Variants in RARA observed in about 807,000 individuals in gnomAD.
The protein encoded by RARA is PML-DDX5-RARA fusion.
In RARA, 5 loss-of-function variants were observed where a neutral mutation model predicts 42.8. That is an observed-to-expected ratio of 0.12 (90% CI 0.06 to 0.25). The LOEUF (loss-of-function observed/expected upper bound fraction) is 0.25. Ranked by LOEUF, RARA falls within the 10% of genes least tolerant of loss-of-function variation. The pLI is 1.00. For missense variants in RARA, 402 were observed against 628.7 expected (o/e 0.64, Z 3.86); for synonymous variants, 256 against 259.5 (o/e 0.99, Z 0.13).
chr17:40,343,038 C>A, intron 2 of RARA: 1 of 1,330,100 alleles, frequency 7.5e-7, no homozygotes, highest in Non-Finnish European at 9.8e-7. Flanking sequence ...CGCACCCTCC[C>A]CCCAGTAACC....
chr17:40,352,271 G>A lies in RARA; in HGVS notation c.631-60G>A. The A allele has an allele frequency of 3.2e-6, 5 of 1,544,944 alleles. No homozygotes were observed. The highest frequency in any genetic ancestry group is 4.4e-6 in the Non-Finnish European group (5 of 1,143,870). The stretch of plus-strand genomic sequence containing the variant: ...GTAGAGGGCAGGCCTGTGGGGGCTG[G>A]AGCCAGGCTGAGAAGGGGTGCCATG... On this transcript the variant is annotated intron_variant, in intron 5 of 8. Coordinates refer to ENST00000254066, the MANE Select transcript of RARA (RefSeq NM_000964.4). The surrounding 1 kb of genome is among the most constrained non-coding windows in gnomAD (Gnocchi z 4.9).
rs1238837845 is a variant in RARA at position 40,352,525 on chromosome 17, G to A, written c.807+18G>A. On this transcript the variant is annotated intron_variant, in intron 6 of 8. Coordinates refer to ENST00000254066, the MANE Select transcript of RARA (RefSeq NM_000964.4). This position sits in a 1 kb window ranked among gnomAD's most constrained non-coding sequence, Gnocchi z 4.9. ...ACATCCTGGTGAGGGTCTGCACCCT[G>A]GCCCCCAGGCACTGCCCCTGTGTCC... 9 of 1,569,634 alleles carry A rather than the reference G, an allele frequency of 5.7e-6. No homozygotes were observed. The South Asian group carries it at 9.3e-5, about 16-fold the overall frequency.
intron 4 of RARA, chr17:40,350,198 A>ATG (rs137901695): frequency 7.2e-4 from 330 of 457,896 alleles, no homozygotes; most frequent in South Asian, 1.2e-3. Flanking sequence ...GTGCTTGCGT[A>ATG]TGTGTGTGTG....
chr17:40,342,043 T>C (rs1011276666), intron 2 of RARA: 6 of 1,057,082 alleles, frequency 5.7e-6, no homozygotes, highest in Non-Finnish European at 5.7e-6. Flanking sequence ...TTTCTCCCGC[T>C]GCAGCCGGAC....
intron 2 of RARA, among the ~76,000 whole-genome samples, chr17:40,338,483 A>G (rs1343866298): frequency 6.6e-6 from 1 of 152,186 alleles, no homozygotes; most frequent in Non-Finnish European, 1.5e-5. Context: ...CTTAAAGGAC[A>G]GTTCTTCCTG....
Position 40,352,569 on chromosome 17 carries a change from G to T in RARA, c.807+62G>T. 1 of 1,385,358 alleles carries T rather than the reference G, an allele frequency of 7.2e-7. No individual in the cohort carries two copies. Among genetic ancestry groups the T allele is most frequent in the Non-Finnish European group, 9.7e-7 (1 of 1,032,628 alleles). The allele number at this position is 1,385,358 out of a possible 1,614,324, so 85.8% of individuals were successfully genotyped here. A position where few individuals can be genotyped will look rare whatever the true frequency, so the allele number is the denominator to read the frequency against. On this transcript the variant is annotated intron_variant, in intron 6 of 8. Coordinates refer to ENST00000254066, the MANE Select transcript of RARA (RefSeq NM_000964.4). This position sits in a 1 kb window ranked among gnomAD's most constrained non-coding sequence, Gnocchi z 4.9. ...TGTGTCCTGGGTAGATGTCCTTCCA[G>T]CCAGACAGCCACCCTCCTAAATGTC...
chr17:40,330,158 T>A (rs997991808), intron 1 of RARA, among the ~76,000 whole-genome samples: 1 of 152,218 alleles, frequency 6.6e-6, no homozygotes, highest in Non-Finnish European at 1.5e-5. Context: ...AGTATGTGGG[T>A]GAACCTTGAG....
Position 40,354,619 on chromosome 17 carries a change from T to C in RARA, c.1012+113T>C, listed in dbSNP as rs1466174901. 1 of 1,298,820 alleles carries C rather than the reference T, an allele frequency of 7.7e-7. No individual in the cohort carries two copies. Among genetic ancestry groups the C allele is most frequent in the African/African-American group, 1.5e-5 (1 of 67,776 alleles). 80.5% of individuals were successfully genotyped at this position (1,298,820 alleles called of 1,614,324 possible). A position where few individuals can be genotyped will look rare whatever the true frequency, so the allele number is the denominator to read the frequency against. ...TGTTAGGTATCTCTAGAGGGCAGGG[T>C]CTGGTCTGCAACTACACAGCAAGGG... is the stretch of plus-strand genomic sequence containing the variant. On this transcript the variant is annotated intron_variant, in intron 7 of 8. Coordinates refer to ENST00000254066, the MANE Select transcript of RARA (RefSeq NM_000964.4). This position sits in a 1 kb window ranked among gnomAD's most constrained non-coding sequence, Gnocchi z 4.5.
intron 2 of RARA, among the ~76,000 whole-genome samples, chr17:40,334,374 C>T (rs2033786190): frequency 6.6e-6 from 1 of 152,150 alleles, no homozygotes; most frequent in South Asian, 2.1e-4. Flanking sequence ...ACAACAACTT[C>T]TCTCCCTGCC....
rs145041630 is a variant in RARA, at chr17:40,349,953, C to T, written c.469+28C>T. 26 of 1,610,724 alleles carry T rather than the reference C, an allele frequency of 1.6e-5. No individual in the cohort carries two copies. The Admixed American group carries it at 2.0e-4, about 12-fold the overall frequency. On this transcript the variant is annotated intron_variant, in intron 4 of 8. Transcript: ENST00000254066. The stretch of plus-strand genomic sequence containing the variant: ...GAGTGCCATAGGGCAGGGGCCGAGT[C>T]CCGCCTCAGTTGGGGTCTCAGATGC...
chr17:40,317,554 C>A (rs1319546986), intron 1 of RARA, among the ~76,000 whole-genome samples: 1 of 151,666 alleles, frequency 6.6e-6, no homozygotes, highest in Non-Finnish European at 1.5e-5. Flanking sequence ...ACTGGAAGAT[C>A]CAAAAGTCTT....
intron 2 of RARA, among the ~76,000 whole-genome samples, chr17:40,332,048 G>A (rs1448369735): frequency 5.9e-5 from 9 of 152,228 alleles, no homozygotes; most frequent in Non-Finnish European, 1.0e-4. Context: ...CAGGGCCTGT[G>A]TTTTCCTTGC....
Position 40,355,274 on chromosome 17 carries a change from C to T in RARA, c.1024C>T (p.Leu342=). 6.3e-7 allele frequency: 1 copy of T among 1,579,856 alleles called. No homozygotes were observed. The highest frequency in any genetic ancestry group is 8.6e-7 in the Non-Finnish European group (1 of 1,162,346). The change falls in exon 8 of 9, where the codon CTG becomes TTG. Residue 342 remains leucine (L), a synonymous_variant. Coordinates refer to ENST00000254066, the MANE Select transcript of RARA (RefSeq NM_000964.4). The surrounding 1 kb of genome is among the most constrained non-coding windows in gnomAD (Gnocchi z 4.1). Reference sequence around the variant, plus strand: ...TTCTGCTTCCTCAGACCGCCAGGACCTGGAGCAGCCGGACCGGGTGGACAT... The same window carrying T: ...TTCTGCTTCCTCAGACCGCCAGGACTTGGAGCAGCCGGACCGGGTGGACAT... The part of the protein sequence containing the change: ...ICLICGDRQD[L]EQPDRVDMLQ...
chr17:40,311,615 G>A (rs1416759289), intron 1 of RARA, among the ~76,000 whole-genome samples: 1 of 152,204 alleles, frequency 6.6e-6, no homozygotes, highest in Non-Finnish European at 1.5e-5. Flanking sequence ...GGTGCCACAT[G>A]TCTGCCTCAA....
At chr17:40,353,173 C>T (rs2034507571) in intron 6 of RARA, among the ~76,000 whole-genome samples, 1 of 152,044 alleles carries the variant, frequency 6.6e-6, no homozygotes, top group South Asian at 2.1e-4. Flanking sequence ...GAGAGGGTAG[C>T]CCTAACTCAG....
intron 2 of RARA, chr17:40,343,099 C>T: frequency 1.4e-6 from 1 of 725,280 alleles, no homozygotes; most frequent in Non-Finnish European, 2.0e-6. Flanking sequence ...AGAGTTCCTT[C>T]TTTCAAGCAA....
intron 2 of RARA, chr17:40,343,012 A>C: frequency 1.4e-6 from 2 of 1,434,636 alleles, no homozygotes; most frequent in Non-Finnish European, 1.8e-6. Flanking sequence ...TTGCTGGACA[A>C]TTGAACCCTC....
At chr17:40,318,602 G>A (rs1278866030) in intron 1 of RARA, among the ~76,000 whole-genome samples, 3 of 152,236 alleles carry the variant, frequency 2.0e-5, no homozygotes, top group African/African-American at 7.2e-5. Flanking sequence ...ACTCGCTGCC[G>A]CCGTGTCCAG....
At chr17:40,315,163 TATATATATAC>T (rs1268488981) in intron 1 of RARA, among the ~76,000 whole-genome samples, 41 of 124,074 alleles carry the variant, frequency 3.3e-4, no homozygotes, top group African/African-American at 1.0e-3. Flanking sequence ...TATATATATA[TATATATATAC>T]ACACACACAC....
Sources: allele counts gnomAD v4.1 joint callset (sites outside exome capture counted in the v4.1 genomes callset), GRCh38; gene constraint gnomAD v4.1.1; non-coding constraint Gnocchi (gnomAD v3.1); transcripts MANE v1.5; gene names NCBI Gene and HGNC (gene_info 2026-07-23, HGNC 2026-07-21).